ASIC2: variants seen among roughly 807,000 people sequenced by gnomAD.
ASIC2 encodes the protein acid sensing ion channel subunit 2.
Under a neutral mutation model 57.3 loss-of-function variants are expected in ASIC2, and 25 were observed. The observed-to-expected ratio is 0.44, with a 90% CI of 0.32 to 0.61. ASIC2 has a LOEUF of 0.61. Among genes scored for constraint, ASIC2 ranks in the 20% least tolerant of loss-of-function variants. The pLI is 0.06. For synonymous variants in ASIC2, 319 were observed against 307.5 expected, an observed-to-expected ratio of 1.04 and a Z score of -0.39; for missense variants, 641 against 738.1, an observed-to-expected ratio of 0.87 and a Z score of 1.52.
intron 1 of ASIC2, among the ~76,000 whole-genome samples, chr17:33,503,606 C>T (rs1914164593): frequency 6.6e-6 from 1 of 152,186 alleles, no homozygotes; most frequent in Admixed American, 6.5e-5. Flanking sequence ...GGCTCTACAT[C>T]TTACCTTCTC....
chr17:33,720,203 G>A (rs1909345046), intron 1 of ASIC2, among the ~76,000 whole-genome samples: 1 of 152,178 alleles, frequency 6.6e-6, no homozygotes, highest in Non-Finnish European at 1.5e-5. Flanking sequence ...GAAAGAGAAG[G>A]CTTGCCCAGC....
At chr17:33,657,310 C>T (rs1294198456) in intron 1 of ASIC2, among the ~76,000 whole-genome samples, 9 of 152,170 alleles carry the variant, frequency 5.9e-5, no homozygotes, top group Non-Finnish European at 1.3e-4. Context: ...TTCTGGCTGG[C>T]TGGCAAGCAA....
chr17:34,007,721 C>T (rs1597971380), intron 1 of ASIC2, among the ~76,000 whole-genome samples: 1 of 152,330 alleles, frequency 6.6e-6, no homozygotes, highest in Non-Finnish European at 1.5e-5. Context: ...TGCATCCTGC[C>T]TCCTTCTAGA....
At chr17:33,254,580 T>A (rs1381518410) in intron 1 of ASIC2, among the ~76,000 whole-genome samples, 1 of 152,112 alleles carries the variant, frequency 6.6e-6, no homozygotes, top group Admixed American at 6.5e-5. Flanking sequence ...GGTAGACCTA[T>A]TTCCCCTCTT....
intron 1 of ASIC2, among the ~76,000 whole-genome samples, chr17:33,988,274 C>G (rs893872216): frequency 3.9e-5 from 6 of 152,178 alleles, no homozygotes; most frequent in Non-Finnish European, 8.8e-5. Context: ...ATGCCAGTCC[C>G]TTTATTACCT....
chr17:33,199,951 G>C (rs1056448739), intron 1 of ASIC2, among the ~76,000 whole-genome samples: 2 of 152,102 alleles, frequency 1.3e-5, no homozygotes, highest in African/African-American at 4.8e-5. Context: ...ATCCCCTGGA[G>C]CCTCACCGTG....
chr17:34,131,855 A>T lies in ASIC2; in HGVS notation c.555+24123T>A, dbSNP rs144560599. ...CTGAGAATCTGGATCCCAGCGTGTG[A>T]AAGCCTGAGTGCTGGCCCACTGACG... On this transcript the variant is annotated intron_variant, in intron 1 of 9. Coordinates refer to the ASIC2 transcript ENST00000359872. 4.4e-3 allele frequency among the ~76,000 whole-genome samples: 672 copies of T among 152,308 alleles called. 5 individuals are homozygous for T. The highest frequency in any genetic ancestry group is 0.016 in the African/African-American group (645 of 41,574).
intron 1 of ASIC2, among the ~76,000 whole-genome samples, chr17:33,939,685 G>A (rs1380620208): frequency 6.6e-6 from 1 of 152,216 alleles, no homozygotes. Context: ...CTGGGATGAA[G>A]TACCACAGGA....
intron 1 of ASIC2, among the ~76,000 whole-genome samples, chr17:33,908,048 G>C (rs1474994558): frequency 6.6e-6 from 1 of 152,112 alleles, no homozygotes; most frequent in Non-Finnish European, 1.5e-5. Context: ...GGTTCTCACA[G>C]ACTGTACGGA....
intron 1 of ASIC2, among the ~76,000 whole-genome samples, chr17:33,350,711 G>C (rs1053117863): frequency 1.3e-5 from 2 of 151,672 alleles, no homozygotes; most frequent in Non-Finnish European, 2.9e-5. Context: ...AAGAAAGAAA[G>C]AAATATTTAA....
chr17:33,143,047 CAGGGTGACCCAA>C (rs1484476383), intron 1 of ASIC2, among the ~76,000 whole-genome samples: 1 of 152,174 alleles, frequency 6.6e-6, no homozygotes, highest in Non-Finnish European at 1.5e-5. Context: ...ACATGGGTCC[CAGGGTGACCCAA>C]AGAAGGATGT....
chr17:33,949,209 C>T (rs554559200), intron 1 of ASIC2, among the ~76,000 whole-genome samples: 41 of 152,200 alleles, frequency 2.7e-4, no homozygotes, highest in Non-Finnish European at 5.1e-4. Context: ...AATAGGAATC[C>T]TTTGTGGACA....
chr17:34,120,540 G>A (rs1402695165), intron 1 of ASIC2, among the ~76,000 whole-genome samples: 1 of 151,802 alleles, frequency 6.6e-6, no homozygotes, highest in Non-Finnish European at 1.5e-5. Flanking sequence ...GGGTAGGGGA[G>A]AAGAGGATCA....
chr17:34,067,846 G>C (rs1159894709), intron 1 of ASIC2, among the ~76,000 whole-genome samples: 2 of 152,132 alleles, frequency 1.3e-5, no homozygotes, highest in Non-Finnish European at 2.9e-5. Context: ...ATGGGAATCT[G>C]TAATATACAA....
At chr17:33,089,312 C>T (rs926772762) in intron 2 of ASIC2, among the ~76,000 whole-genome samples, 1 of 152,156 alleles carries the variant, frequency 6.6e-6, no homozygotes, top group Non-Finnish European at 1.5e-5. Flanking sequence ...TGGAAAAATG[C>T]TATGCTTCTA....
At chr17:33,065,249 T>A (rs1438875158) in intron 3 of ASIC2, among the ~76,000 whole-genome samples, 1 of 152,112 alleles carries the variant, frequency 6.6e-6, no homozygotes, top group African/African-American at 2.4e-5. Context: ...CAGTCATAGC[T>A]AACTGTGGCC....
At chr17:33,734,550 A>C (rs1909852945) in intron 1 of ASIC2, among the ~76,000 whole-genome samples, 1 of 151,776 alleles carries the variant, frequency 6.6e-6, no homozygotes, top group African/African-American at 2.4e-5. Flanking sequence ...CTCTTCCTTC[A>C]CTCACTACTA....
intron 1 of ASIC2, among the ~76,000 whole-genome samples, chr17:33,495,815 C>T (rs1913914258): frequency 6.6e-6 from 1 of 152,174 alleles, no homozygotes; most frequent in South Asian, 2.1e-4. Flanking sequence ...ACAACATCCA[C>T]CAGCCTTAGG....
rs765776879 is a variant in ASIC2 at position 33,155,876 on chromosome 17, G to A, written c.709-43809C>T. ...CTTTCTGTAAAGGAGTTAATGAGCC[G>A]CAGAGTACTACTTGAGTGCATTGTA... is the stretch of plus-strand genomic sequence containing the variant. On this transcript the variant is annotated intron_variant, in intron 1 of 9. Transcript: ENST00000225823. Among the ~76,000 whole-genome samples the A allele has an allele frequency of 1.1e-4, 17 of 152,016 alleles. 1 individual carries two copies. The highest frequency in any genetic ancestry group is 1.9e-4 in the African/African-American group (8 of 41,388).
Sources: allele counts gnomAD v4.1 joint callset (sites outside exome capture counted in the v4.1 genomes callset), GRCh38; gene constraint gnomAD v4.1.1; transcripts MANE v1.5; gene names NCBI Gene and HGNC (gene_info 2026-07-23, HGNC 2026-07-21).